Variants in WSCD1 observed in about 807,000 individuals in gnomAD.
WSCD1 encodes WSC domain sialate O sulfotransferase 1, also known as sialate:O-sulfotransferase 1.
Under a neutral mutation model 60.4 loss-of-function variants are expected in WSCD1, and 41 were observed. The observed-to-expected ratio is 0.68, with a 90% CI of 0.53 to 0.88. The LOEUF (loss-of-function observed/expected upper bound fraction) is 0.88. Ranked by LOEUF, WSCD1 falls within the 40% of genes least tolerant of loss-of-function variation. The pLI is 0.00. For missense variants in WSCD1, 784 were observed against 796.2 expected, an observed-to-expected ratio of 0.98 and a Z score of 0.18; for synonymous variants, 361 against 332.5, an observed-to-expected ratio of 1.09 and a Z score of -0.93.
chr17:6,081,220 A>T, intron 2 of WSCD1, 135 bp downstream of exon 2: 1 of 1,122,574 alleles, frequency 8.9e-7, no homozygotes. Context: ...TCTGCAGGAC[A>T]GGAAGGGGCC....
intron 7 of WSCD1, among the ~76,000 whole-genome samples, chr17:6,113,142 A>G (rs1264925016): frequency 6.6e-6 from 1 of 152,186 alleles, no homozygotes; most frequent in Non-Finnish European, 1.5e-5. Context: ...AAATAAATCC[A>G]TGCATTTACA....
chr17:6,091,931 C>T (rs1043851494), intron 4 of WSCD1, among the ~76,000 whole-genome samples: 4 of 152,126 alleles, frequency 2.6e-5, no homozygotes, highest in Admixed American at 1.3e-4. Context: ...CCAAGGCGGG[C>T]GAATCATGAG....
Position 6,075,584 on chromosome 17 carries a change from C to T in WSCD1, c.-288-4787C>T, listed in dbSNP as rs1214392242. ...TATCCAGGTGCTCTGGGCTCCTGCT[C>T]CCTCCCTGAGACTTCCAGAAGCCCA... On this transcript the variant is annotated intron_variant, in intron 1 of 8. Transcript: ENST00000317744. The surrounding 1 kb of genome is among the most constrained non-coding windows in gnomAD (Gnocchi z 4.1). 1.3e-5 allele frequency among the ~76,000 whole-genome samples: 2 copies of T among 152,154 alleles called. No homozygotes were observed. The highest frequency in any genetic ancestry group is 2.9e-5 in the Non-Finnish European group (2 of 68,028).
chr17:6,108,010 G>A (rs1911193370), intron 5 of WSCD1, among the ~76,000 whole-genome samples: 1 of 152,122 alleles, frequency 6.6e-6, no homozygotes, highest in African/African-American at 2.4e-5. Flanking sequence ...GGAGAGTCGG[G>A]AGAGGCTTTC....
At chr17:6,116,686 T>G (rs762147878) in intron 7 of WSCD1, among the ~76,000 whole-genome samples, 19 of 152,366 alleles carry the variant, frequency 1.2e-4, no homozygotes, top group Non-Finnish European at 1.9e-4. Flanking sequence ...GAGATAAGTT[T>G]GAAGCTTGTT....
chr17:6,090,373 C>T lies in WSCD1; in HGVS notation c.595C>T (p.Arg199Trp), dbSNP rs199966936. The T allele has an allele frequency of 1.2e-4, 195 of 1,609,466 alleles. No homozygotes were observed. The highest frequency in any genetic ancestry group is 3.3e-4 in the Middle Eastern group (2 of 6,062). ...EAGAECYCGN[R>W]LPAVSVGLEE... is the part of the protein sequence containing the mutation. ...CGGGGCGGAGTGTTACTGCGGGAACCGGCTGCCAGCGGTGAGCGTGGGGCT... is the reference window on the plus strand; with the variant it reads ...CGGGGCGGAGTGTTACTGCGGGAACTGGCTGCCAGCGGTGAGCGTGGGGCT... The change falls in exon 4 of 9, where the codon CGG becomes TGG. Residue 199 changes from arginine to tryptophan, a missense_variant. Arg to Trp is a moderately radical substitution (Grantham distance 101). Transcript: ENST00000317744.
At chr17:6,070,217 G>T (rs1289436083), upstream of WSCD1, among the ~76,000 whole-genome samples, 2 of 118,264 alleles carry the variant, frequency 1.7e-5, no homozygotes, top group African/African-American at 6.6e-5. Flanking sequence ...GCAGTGGCGC[G>T]TGTGGCCCGC....
chr17:6,107,567 G>A (rs967316574), intron 5 of WSCD1, among the ~76,000 whole-genome samples: 27 of 152,124 alleles, frequency 1.8e-4, no homozygotes, highest in Non-Finnish European at 2.9e-5. Flanking sequence ...CCTGGGGTTA[G>A]GACTTCAACA....
chr17:6,090,335 C>A lies in WSCD1; in HGVS notation c.557C>A (p.Ala186Asp). Residue 186 changes from alanine to aspartate, a missense_variant, in exon 4 of 9, where the codon GCC becomes GAC. Coordinates refer to ENST00000317744, the MANE Select transcript of WSCD1 (RefSeq NM_015253.2). ...CCTCCCTGCAGGTCCTATGTCTACG[C>A]CGGCTTGGAGGCCGGGGCGGAGTGT... ...DACAERSYVY[A>D]GLEAGAECYC... 6.2e-7 allele frequency: 1 copy of A among 1,603,468 alleles called. No individual in the cohort carries two copies. The highest frequency in any genetic ancestry group is 8.5e-7 in the Non-Finnish European group (1 of 1,175,638).
chr17:6,111,023 C>T (rs868826604), intron 7 of WSCD1, 88 bp downstream of exon 7: 31 of 1,472,138 alleles, frequency 2.1e-5, no homozygotes, highest in South Asian at 1.7e-4. Context: ...AGCACTAGAG[C>T]AGTGCATCTC....
At chr17:6,105,458 G>A (rs1911035469) in intron 5 of WSCD1, among the ~76,000 whole-genome samples, 1 of 152,102 alleles carries the variant, frequency 6.6e-6, no homozygotes, top group Admixed American at 6.5e-5. Context: ...CGAGAAGCAG[G>A]GAAGTTGGCA....
chr17:6,120,644 G>T lies in WSCD1; in HGVS notation c.1711G>T (p.Glu571Ter). The T allele has an allele frequency of 6.2e-7, 1 of 1,612,090 alleles. No individual in the cohort carries two copies. Among genetic ancestry groups the T allele is most frequent in the Non-Finnish European group, 8.5e-7 (1 of 1,179,154 alleles). ...CCACAACTGGACGGGGCTGCCCAGG[G>T]AGTATGTGCCCAGATGATAGGCCTG... ...RDHNWTGLPR[E>*]YVPR Residue 571 changes from glutamate to a stop codon, truncating the protein, a stop_gained, in exon 9 of 9, where the codon GAG becomes TAG. Transcript: ENST00000317744. LOFTEE classifies it high-confidence loss of function.
upstream of WSCD1, among the ~76,000 whole-genome samples, chr17:6,070,017 A>C (rs887894542): frequency 2.6e-5 from 4 of 151,454 alleles, no homozygotes; most frequent in African/African-American, 9.7e-5. Flanking sequence ...GTGAGTCTGC[A>C]TGGGAGAGTG....
At chr17:6,108,085 G>C (rs1264551400) in intron 5 of WSCD1, among the ~76,000 whole-genome samples, 2 of 152,010 alleles carry the variant, frequency 1.3e-5, no homozygotes, top group African/African-American at 4.8e-5. Context: ...CCTGACAGTG[G>C]GGGGCAACCT....
In WSCD1 at chr17:6,080,767, C is replaced by T. The variant is rs768733170; in HGVS notation, c.109C>T (p.Arg37Trp). ...LMTGSLLLLQ[R>W]VRVALPQGPR... ...GACCGGCAGCCTGCTGCTGCTGCAG[C>T]GGGTCCGCGTGGCTCTCCCACAGGG... Residue 37 changes from arginine (R) to tryptophan (W), a missense_variant, in exon 2 of 9, where the codon CGG becomes TGG. Arg to Trp is a moderately radical substitution (Grantham distance 101, BLOSUM62 -3). Coordinates refer to ENST00000317744, the MANE Select transcript of WSCD1 (RefSeq NM_015253.2). This position sits in a 1 kb window ranked among gnomAD's most constrained non-coding sequence, Gnocchi z 6.6. 6.8e-6 allele frequency: 11 copies of T among 1,612,150 alleles called. No homozygotes were observed. Among genetic ancestry groups the T allele is most frequent in the East Asian group, 2.2e-5 (1 of 44,834 alleles).
intron 4 of WSCD1, among the ~76,000 whole-genome samples, chr17:6,090,869 T>A (rs1295354099): frequency 6.6e-6 from 1 of 151,850 alleles, no homozygotes; most frequent in African/African-American, 2.4e-5. Context: ...GATTTCTTTC[T>A]TTTTTTTAAT....
At chr17:6,119,588 C>G (rs553433759) in intron 8 of WSCD1, among the ~76,000 whole-genome samples, 1 of 152,164 alleles carries the variant, frequency 6.6e-6, no homozygotes, top group African/African-American at 2.4e-5. Flanking sequence ...TTCCCCTTCC[C>G]CCATCATCCT....
intron 5 of WSCD1, among the ~76,000 whole-genome samples, chr17:6,105,691 G>GC (rs372600075): frequency 3.8e-4 from 58 of 152,318 alleles, no homozygotes; most frequent in African/African-American, 1.3e-3. Flanking sequence ...TCGGGTCACT[G>GC]CTGGGGGCAG....
At chr17:6,072,976 C>A (rs1908633625) in intron 1 of WSCD1, among the ~76,000 whole-genome samples, 1 of 152,192 alleles carries the variant, frequency 6.6e-6, no homozygotes, top group Non-Finnish European at 1.5e-5. Flanking sequence ...GCTGTTAAGG[C>A]CCCTCCCCTT....
Sources: gnomAD v4.1 joint callset for allele counts (sites outside exome capture counted in the v4.1 genomes callset) on GRCh38, gnomAD v4.1.1 for gene constraint, Gnocchi (gnomAD v3.1) non-coding constraint, MANE v1.5 for transcripts, NCBI Gene and HGNC (gene_info 2026-07-23, HGNC 2026-07-21) for gene names.